The following PPP2R5E variants were observed in gnomAD, a reference collection of about 807,000 sequenced individuals.
The protein encoded by PPP2R5E is protein phosphatase 2 regulatory subunit B'epsilon, also known as serine/threonine-protein phosphatase 2A 56 kDa regulatory subunit epsilon isoform.
PPP2R5E carries 4 observed loss-of-function variants against 65.3 expected under a neutral mutation model. The ratio of observed to expected loss-of-function variants is 0.06; its 90% CI spans 0.03 to 0.14. PPP2R5E has a LOEUF of 0.14. PPP2R5E is among the 10% of genes least tolerant of loss of function. The pLI, the probability that PPP2R5E is intolerant of heterozygous loss-of-function variation, is 1.00. For missense variants in PPP2R5E, 274 were observed against 556.1 expected, an observed-to-expected ratio of 0.49 and a Z score of 5.10; for synonymous variants, 183 against 187.4, an observed-to-expected ratio of 0.98 and a Z score of 0.19.
chr14:63,498,573 T>C lies in PPP2R5E; in HGVS notation c.157+40956A>G, dbSNP rs532429895. 2.3e-4 allele frequency among the ~76,000 whole-genome samples: 35 copies of C among 151,712 alleles called. No individual in the cohort carries two copies. The East Asian group carries it at 4.4e-3, about 19-fold the overall frequency. The stretch of plus-strand genomic sequence containing the variant: ...AGTACTTTTAAGTAATTTTTTTTTT[T>C]CCCAGACAGGGTCTCACTCTGTCAC... On this transcript the variant is annotated intron_variant, in intron 2 of 13. Coordinates refer to ENST00000337537, the MANE Select transcript of PPP2R5E (RefSeq NM_006246.5).
intron 2 of PPP2R5E, among the ~76,000 whole-genome samples, chr14:63,463,128 G>T (rs1396059341): frequency 2.4e-5 from 3 of 122,560 alleles, no homozygotes; most frequent in African/African-American, 8.1e-5. Context: ...AACTAAGATG[G>T]TTTTTTTGTT....
At position 63,433,541 on chromosome 14, in the gene PPP2R5E, G is replaced by C. The variant is rs74356633; in HGVS notation, c.355-11447C>G. On this transcript the variant is annotated intron_variant, in intron 3 of 13. Transcript: ENST00000337537. Reference sequence around the variant, plus strand: ...AATCATCTAATCTCCTGGCTAGAGTGCATAAGGTATCTGGGAACTGAGTGG... The same window carrying C: ...AATCATCTAATCTCCTGGCTAGAGTCCATAAGGTATCTGGGAACTGAGTGG... Among the ~76,000 whole-genome samples the C allele has an allele frequency of 8.0e-3, 1,214 of 152,226 alleles. 48 individuals carry two copies. In the East Asian group the frequency reaches 0.11, roughly 14 times the overall value.
In PPP2R5E at chr14:63,375,826, T is replaced by C. The variant is rs1169450361; in HGVS notation, c.*183A>G. On this transcript the variant is annotated 3_prime_UTR_variant, in exon 14 of 14. Coordinates refer to ENST00000337537, the MANE Select transcript of PPP2R5E (RefSeq NM_006246.5). ...AGAAGTCCATCTACTGTCCAAACTTTGGATTGAAGTCCTTATTTTGTTTTT... is the reference window on the plus strand; with the variant it reads ...AGAAGTCCATCTACTGTCCAAACTTCGGATTGAAGTCCTTATTTTGTTTTT... 1 of 409,848 alleles carries C rather than the reference T, an allele frequency of 2.4e-6. No homozygotes were observed. The highest frequency in any genetic ancestry group is 4.3e-6 in the Non-Finnish European group (1 of 231,622). The allele number at this position is 409,848 out of a possible 1,614,324, so 25.4% of individuals were successfully genotyped here.
intron 2 of PPP2R5E, among the ~76,000 whole-genome samples, chr14:63,485,724 T>G (rs1426001407): frequency 2.0e-5 from 3 of 151,940 alleles, no homozygotes; most frequent in African/African-American, 7.3e-5. Context: ...AGCCATGATT[T>G]TTTTAAGGTA....
chr14:63,453,350 C>T (rs1888952069), intron 3 of PPP2R5E: 1 of 167,684 alleles, frequency 6.0e-6, no homozygotes, highest in Non-Finnish European at 1.3e-5. Flanking sequence ...ATCCAACAGG[C>T]TTGAATATTT....
intron 2 of PPP2R5E, among the ~76,000 whole-genome samples, chr14:63,518,296 C>A (rs1892745354): frequency 6.6e-6 from 1 of 152,116 alleles, no homozygotes; most frequent in South Asian, 2.1e-4. Context: ...GTCTGGAGTG[C>A]AGTGGTGCAA....
At chr14:63,429,698 T>C (rs1887524250) in intron 3 of PPP2R5E, among the ~76,000 whole-genome samples, 1 of 152,092 alleles carries the variant, frequency 6.6e-6, no homozygotes, top group Non-Finnish European at 1.5e-5. Flanking sequence ...TGTTTTTTTT[T>C]TTGAGACAGA....
At chr14:63,385,075 C>T (rs994492819) in intron 11 of PPP2R5E, among the ~76,000 whole-genome samples, 10 of 151,874 alleles carry the variant, frequency 6.6e-5, no homozygotes, top group African/African-American at 2.2e-4. Context: ...ACCTGTAATC[C>T]CAGCACTTTG....
intron 3 of PPP2R5E, 179 bp downstream of exon 3, chr14:63,453,510 T>C (rs529756176): frequency 2.9e-5 from 14 of 485,036 alleles, no homozygotes; most frequent in Non-Finnish European, 4.2e-5. Flanking sequence ...TGGATTTCGT[T>C]CTCATGAAAT....
chr14:63,477,213 A>G (rs1157312635), intron 2 of PPP2R5E, among the ~76,000 whole-genome samples: 1 of 152,158 alleles, frequency 6.6e-6, no homozygotes. Flanking sequence ...CCTACTATAC[A>G]TCTGCCTCAG....
At chr14:63,380,611 G>A (rs570842992) in intron 13 of PPP2R5E, among the ~76,000 whole-genome samples, 1 of 151,818 alleles carries the variant, frequency 6.6e-6, no homozygotes, top group Admixed American at 6.6e-5. Flanking sequence ...GCAGTGAGCT[G>A]AGATCGCGCC....
intron 1 of PPP2R5E, 62 bp from the exon 2 acceptor site, chr14:63,539,754 A>T (rs1893813635): frequency 5.5e-6 from 8 of 1,462,250 alleles, no homozygotes; most frequent in Non-Finnish European, 7.5e-6. Context: ...CATGTGAGTT[A>T]TACAAATTCT....
At position 63,375,256 on chromosome 14, in the gene PPP2R5E, G is replaced by A. The variant is rs1883924062; in HGVS notation, c.*753C>T. On this transcript the variant is annotated 3_prime_UTR_variant, in exon 14 of 14. Coordinates refer to ENST00000337537, the MANE Select transcript of PPP2R5E (RefSeq NM_006246.5). ...AGGTACTGAAGCCTGTGATGTCCCAGTGCCTGTTTTCAAAGGATTCAAGAC... is the reference window on the plus strand; with the variant it reads ...AGGTACTGAAGCCTGTGATGTCCCAATGCCTGTTTTCAAAGGATTCAAGAC... 6.6e-6 allele frequency: 1 copy of A among 152,602 alleles called. No individual in the cohort carries two copies. Among genetic ancestry groups the A allele is most frequent in the South Asian group, 2.1e-4 (1 of 4,834 alleles). The allele number at this position is 152,602 out of a possible 1,614,324, so 9.5% of individuals were successfully genotyped here. A position where few individuals can be genotyped will look rare whatever the true frequency, so the allele number is the denominator to read the frequency against.
At chr14:63,493,111 A>C (rs1891361885) in intron 2 of PPP2R5E, among the ~76,000 whole-genome samples, 1 of 152,152 alleles carries the variant, frequency 6.6e-6, no homozygotes, top group South Asian at 2.1e-4. Context: ...TTTAAGCAAA[A>C]GAATCATCAG....
intron 2 of PPP2R5E, among the ~76,000 whole-genome samples, chr14:63,528,114 G>C (rs973384204): frequency 1.3e-5 from 2 of 151,740 alleles, no homozygotes; most frequent in African/African-American, 2.4e-5. Context: ...CCATTTTTAA[G>C]TATTAAAAGA....
chr14:63,493,495 CGT>C (rs34814989), intron 2 of PPP2R5E, among the ~76,000 whole-genome samples: 2 of 87,272 alleles, frequency 2.3e-5, no homozygotes, highest in Non-Finnish European at 4.1e-5. Flanking sequence ...TGTGTGTGTG[CGT>C]GTGTGTGGTG....
intron 3 of PPP2R5E, among the ~76,000 whole-genome samples, chr14:63,448,424 C>T (rs1045404717): frequency 1.8e-4 from 27 of 152,088 alleles, no homozygotes; most frequent in African/African-American, 5.6e-4. Flanking sequence ...ATATGTGACA[C>T]AAAGATATGA....
rs543538797 is a variant in PPP2R5E at position 63,406,267 on chromosome 14, C to T, written c.549+8873G>A. Among the ~76,000 whole-genome samples, 17 of 151,988 alleles carry T rather than the reference C, an allele frequency of 1.1e-4. No individual in the cohort carries two copies. In the South Asian group the frequency reaches 3.5e-3, roughly 32 times the overall value. ...TCTACTAAAAATACAAAAAATTAGC[C>T]AGGCATACTGGTGCATGCTTGTAGT... On this transcript the variant is annotated intron_variant, in intron 5 of 13. Coordinates refer to ENST00000337537, the MANE Select transcript of PPP2R5E (RefSeq NM_006246.5).
intron 5 of PPP2R5E, among the ~76,000 whole-genome samples, chr14:63,409,718 C>A (rs1886294328): frequency 6.6e-6 from 1 of 152,214 alleles, no homozygotes; most frequent in Non-Finnish European, 1.5e-5. Flanking sequence ...AGGCAGGGAT[C>A]CTGTCTTTGT....
Sources: allele counts gnomAD v4.1 joint callset (sites outside exome capture counted in the v4.1 genomes callset), GRCh38; gene constraint gnomAD v4.1.1; transcripts MANE v1.5; gene names NCBI Gene and HGNC (gene_info 2026-07-23, HGNC 2026-07-21).